SLC22A9: variants seen among roughly 807,000 people sequenced by gnomAD.
The protein encoded by SLC22A9 is solute carrier family 22 member 9, also known as organic anion transporter 7.
A neutral mutation model predicts 50.1 loss-of-function variants in SLC22A9; 64 were observed. The ratio of observed to expected loss-of-function variants is 1.28; its 90% CI spans 1.04 to 1.57. The LOEUF (loss-of-function observed/expected upper bound fraction) is 1.57, where lower values mean the gene tolerates loss of function less well. Ranked by LOEUF, SLC22A9 falls within the 40% of genes most tolerant of loss-of-function variation. The pLI is 0.00. For missense variants in SLC22A9, 757 were observed against 676.1 expected (o/e 1.12, Z -1.33); for synonymous variants, 261 against 242.5 (o/e 1.08, Z -0.71).
At position 63,369,936 on chromosome 11, in the gene SLC22A9, A is replaced by T; in HGVS notation, c.-121A>T. ...GAGGGGAAGCACAGTCGTCAAGAAGAGAGTGGGGTCAGGATCAAAACACAT... is the reference window on the plus strand; with the variant it reads ...GAGGGGAAGCACAGTCGTCAAGAAGTGAGTGGGGTCAGGATCAAAACACAT... On this transcript the variant is annotated 5_prime_UTR_variant, in exon 1 of 10. Transcript: ENST00000279178. The T allele has an allele frequency of 1.0e-6, 1 of 990,122 alleles. No individual in the cohort carries two copies. The highest frequency in any genetic ancestry group is 1.5e-6 in the Non-Finnish European group (1 of 686,304). 61.3% of individuals were successfully genotyped at this position (990,122 alleles called of 1,614,324 possible).
Position 63,406,492 on chromosome 11 carries a change from C to T in SLC22A9, c.1074-5C>T, listed in dbSNP as rs778905582. 2 of 1,612,246 alleles carry T rather than the reference C, an allele frequency of 1.2e-6. No individual in the cohort carries two copies. The highest frequency in any genetic ancestry group is 1.3e-5 in the African/African-American group (1 of 74,860). On this transcript the variant is annotated splice_region_variant and splice_polypyrimidine_tract_variant and intron_variant, in intron 6 of 9. Coordinates refer to ENST00000279178, the MANE Select transcript of SLC22A9 (RefSeq NM_080866.3). ...ATATGTTTCTTTCCTTTTTAATCAT[C>T]ACAGATTTGCAAACTTTATGGCCTA...
intron 2 of SLC22A9, among the ~76,000 whole-genome samples, 177 bp from the exon 3 acceptor site, chr11:63,373,467 T>C (rs1432745359): frequency 2.0e-5 from 3 of 152,182 alleles, no homozygotes; most frequent in Non-Finnish European, 4.4e-5. Context: ...TTGGTATTTA[T>C]TTAGAAACAG....
rs185211152 is a variant in SLC22A9 at position 63,390,997 on chromosome 11, C to G, written c.1073+8720C>G. 1.4e-3 allele frequency among the ~76,000 whole-genome samples: 212 copies of G among 151,926 alleles called. 1 individual carries two copies. The highest frequency in any genetic ancestry group is 4.8e-3 in the African/African-American group (201 of 41,454). The stretch of plus-strand genomic sequence containing the variant: ...TCTTAGTACTTCTTTTGCTGTATCC[C>G]GTAGGTTTTGATATGTTGTGTTTCC... On this transcript the variant is annotated intron_variant, in intron 6 of 9. Transcript: ENST00000279178.
At chr11:63,406,295 A>C (rs150988638) in intron 6 of SLC22A9, among the ~76,000 whole-genome samples, 138 of 152,288 alleles carry the variant, frequency 9.1e-4, no homozygotes, top group African/African-American at 3.1e-3. Flanking sequence ...TAGTATTAAT[A>C]ACTTCTTCAC....
chr11:63,396,581 A>G (rs980851737), intron 6 of SLC22A9, among the ~76,000 whole-genome samples: 1 of 152,114 alleles, frequency 6.6e-6, no homozygotes, highest in Non-Finnish European at 1.5e-5. Flanking sequence ...GGCTTCCTCC[A>G]AAGGGTCTGT....
intron 6 of SLC22A9, among the ~76,000 whole-genome samples, chr11:63,388,321 A>C (rs1439524914): frequency 6.7e-6 from 1 of 149,582 alleles, no homozygotes; most frequent in East Asian, 1.9e-4. Flanking sequence ...TATGGCTTTT[A>C]TCATGTTGAG....
intron 6 of SLC22A9, among the ~76,000 whole-genome samples, chr11:63,390,909 G>A (rs1478340622): frequency 6.6e-6 from 1 of 151,946 alleles, no homozygotes; most frequent in African/African-American, 2.4e-5. Context: ...GATGTGTCAT[G>A]AGGTTGTTTC....
chr11:63,407,699 TGTACCTAG>T (rs2015063841), intron 7 of SLC22A9, among the ~76,000 whole-genome samples: 1 of 152,200 alleles, frequency 6.6e-6, no homozygotes, highest in Non-Finnish European at 1.5e-5. Flanking sequence ...ATACTGTGTA[TGTACCTAG>T]GTTTTAACGG....
At chr11:63,402,552 C>T (rs929053129) in intron 6 of SLC22A9, among the ~76,000 whole-genome samples, 3 of 151,834 alleles carry the variant, frequency 2.0e-5, no homozygotes, top group Admixed American at 6.6e-5. Context: ...TAGTGTGATG[C>T]CTCTCACTCT....
At position 63,408,770 on chromosome 11, in the gene SLC22A9, C is replaced by A. The variant is rs1171336800; in HGVS notation, c.1492C>A (p.Pro498Thr). Residue 498 changes from proline to threonine, a missense_variant, in exon 9 of 10, where the codon CCC (proline) becomes ACC (threonine). Coordinates refer to ENST00000279178, the MANE Select transcript of SLC22A9 (RefSeq NM_080866.3). The part of the protein sequence containing the change: ...MILSVYSPPL[P>T]WIIYGVFPFI... ...CCTAAGTGTGTATTCTCCACCCCTG[C>A]CCTGGATCATCTATGGAGTCTTCCC... 9.9e-6 allele frequency: 16 copies of A among 1,614,032 alleles called. No individual in the cohort carries two copies. Among genetic ancestry groups the A allele is most frequent in the Non-Finnish European group, 9.3e-6 (11 of 1,179,942 alleles).
intron 6 of SLC22A9, among the ~76,000 whole-genome samples, chr11:63,396,986 AGTTT>A (rs1369229701): frequency 6.6e-6 from 1 of 152,084 alleles, no homozygotes; most frequent in African/African-American, 2.4e-5. Flanking sequence ...TCACAGTCTG[AGTTT>A]GTTTGTACAC....
intron 8 of SLC22A9, 136 bp downstream of exon 8, chr11:63,408,356 G>C: frequency 1.3e-6 from 1 of 750,070 alleles, no homozygotes; most frequent in Non-Finnish European, 2.2e-6. Flanking sequence ...AATAATTATA[G>C]ACCAACTTTA....
chr11:63,396,836 ACATATCTCTGTCT>A (rs1247553320), intron 6 of SLC22A9, among the ~76,000 whole-genome samples: 1 of 152,168 alleles, frequency 6.6e-6, no homozygotes, highest in East Asian at 1.9e-4. Context: ...GTGAAAGGTC[ACATATCTCTGTCT>A]CTCCAGGATT....
chr11:63,373,372 G>A (rs2014399567), intron 2 of SLC22A9, among the ~76,000 whole-genome samples: 1 of 152,074 alleles, frequency 6.6e-6, no homozygotes, highest in South Asian at 2.1e-4. Flanking sequence ...ACTTTAAAAT[G>A]TCCAATATTC....
rs2014326146 is a variant in SLC22A9, at chr11:63,370,229, CTG to C, written c.175_176del (p.Val59LeufsTer2). On this transcript the variant is annotated frameshift_variant, in exon 1 of 10. Coordinates refer to ENST00000279178, the MANE Select transcript of SLC22A9 (RefSeq NM_080866.3). LOFTEE classifies it high-confidence loss of function. The stretch of plus-strand genomic sequence containing the variant: ...TGGGTCCACATCCTGGACAATGACA[CTG>C]TCTCTGACAATGACACTGGGGCCCT... 6.2e-7 allele frequency: 1 copy of C among 1,613,994 alleles called. No homozygotes were observed. Among genetic ancestry groups the C allele is most frequent in the African/African-American group, 1.3e-5 (1 of 74,928 alleles).
At chr11:63,379,724 TTTTTGTTTTG>T (rs770506150) in intron 5 of SLC22A9, among the ~76,000 whole-genome samples, 4 of 152,154 alleles carry the variant, frequency 2.6e-5, no homozygotes, top group Non-Finnish European at 4.4e-5. Flanking sequence ...CAAACAGTTG[TTTTTGTTTTG>T]TTTTGTTTTG....
intron 6 of SLC22A9, among the ~76,000 whole-genome samples, chr11:63,388,720 A>AT (rs35546649): frequency 0.078 from 11,646 of 149,694 alleles, 972 homozygotes; most frequent in African/African-American, 0.21. Context: ...CTCCACCTGT[A>AT]TTTTTTTTTT....
intron 6 of SLC22A9, among the ~76,000 whole-genome samples, chr11:63,402,601 C>T (rs1210229603): frequency 1.3e-5 from 2 of 151,492 alleles, no homozygotes; most frequent in African/African-American, 4.8e-5. Flanking sequence ...ATTTGAGCTC[C>T]ACTGTGACAT....
rs148659900 is a variant in SLC22A9 at position 63,383,073 on chromosome 11, T to C, written c.1073+796T>C. Among the ~76,000 whole-genome samples the C allele has an allele frequency of 8.7e-4, 133 of 152,300 alleles. 1 individual carries two copies. Among genetic ancestry groups the C allele is most frequent in the African/African-American group, 3.0e-3 (125 of 41,568 alleles). On this transcript the variant is annotated intron_variant, in intron 6 of 9. Transcript: ENST00000279178. ...ACCTCACTCAGAGCACTTATGGAAC[T>C]TGCATATTTGGATGTTTGGGTCACT...
Sources: gnomAD v4.1 joint callset for allele counts (sites outside exome capture counted in the v4.1 genomes callset) on GRCh38, gnomAD v4.1.1 for gene constraint, MANE v1.5 for transcripts, NCBI Gene and HGNC (gene_info 2026-07-23, HGNC 2026-07-21) for gene names.